Variants in GPR89B observed in about 807,000 individuals in gnomAD.
GPR89B encodes golgi pH regulator B.
GPR89B carries 25 observed loss-of-function variants against 52.4 expected under a neutral mutation model. The observed-to-expected ratio is 0.48, with a 90% CI of 0.35 to 0.67. GPR89B has a LOEUF of 0.67. Among genes scored for constraint, GPR89B ranks in the 30% least tolerant of loss-of-function variants. The pLI is 0.01. For synonymous variants in GPR89B, 52 were observed against 151.2 expected (o/e 0.34, Z 4.81); for missense variants, 146 against 450.2 (o/e 0.32, Z 6.11).
intron 9 of GPR89B, chr1:147,969,545 C>G (rs1657270169): frequency 3.9e-6 from 1 of 256,226 alleles, no homozygotes. Flanking sequence ...AGCCTACTCA[C>G]CAGCTGTGTG....
At chr1:148,002,393 C>G in the GPR89B span, among the ~76,000 whole-genome samples, 1 of 152,150 alleles carries the variant, frequency 6.6e-6, no homozygotes, top group Non-Finnish European at 1.5e-5. Context: ...AGCACCTTAC[C>G]TACTGCTTTC....
chr1:148,004,445 G>A, the GPR89B span, among the ~76,000 whole-genome samples: 736 of 146,964 alleles, frequency 5.0e-3, 8 homozygotes, highest in African/African-American at 0.017. Flanking sequence ...GATTACAGGC[G>A]TGAGCCACCG....
intron 5 of GPR89B, among the ~76,000 whole-genome samples, chr1:147,945,108 C>T (rs1443650472): frequency 7.6e-6 from 1 of 131,570 alleles, no homozygotes; most frequent in Non-Finnish European, 1.6e-5. Context: ...CAATACTAAA[C>T]TAGAAAACCT....
chr1:148,000,536 T>C, the GPR89B span, among the ~76,000 whole-genome samples: 1 of 151,896 alleles, frequency 6.6e-6, no homozygotes, highest in East Asian at 1.9e-4. Flanking sequence ...TGCGTGACTT[T>C]AGCAAAGTGC....
chr1:147,932,308 C>T lies in GPR89B; in HGVS notation c.42+3730C>T, dbSNP rs141773316. On this transcript the variant is annotated intron_variant, in intron 1 of 13. Coordinates refer to ENST00000314163, the MANE Select transcript of GPR89B (RefSeq NM_016334.5). ...TTCTGCTTGATCTAGATGCTTGGAT[C>T]CAACTTACTTTCTTAAACCCTCTTG... is the stretch of plus-strand genomic sequence containing the variant. 3.2e-3 allele frequency among the ~76,000 whole-genome samples: 493 copies of T among 152,064 alleles called. 2 individuals carry two copies. Among genetic ancestry groups the T allele is most frequent in the African/African-American group, 0.011 (463 of 41,426 alleles).
intron 12 of GPR89B, among the ~76,000 whole-genome samples, chr1:147,989,786 A>G (rs2149095711): frequency 6.6e-6 from 1 of 152,294 alleles, no homozygotes; most frequent in South Asian, 2.1e-4. Context: ...GCTGGATAGT[A>G]TTCCATGGTG....
At chr1:148,013,392 A>G in the GPR89B span, among the ~76,000 whole-genome samples, 1 of 152,106 alleles carries the variant, frequency 6.6e-6, no homozygotes, top group Non-Finnish European at 1.5e-5. Flanking sequence ...AGACGCTGCA[A>G]AGCGCATCGT....
chr1:148,017,352 C>A, the GPR89B span, among the ~76,000 whole-genome samples: 2 of 151,562 alleles, frequency 1.3e-5, no homozygotes, highest in African/African-American at 4.9e-5. Flanking sequence ...TATACACAAA[C>A]TTTTGTATTA....
At chr1:148,015,265 G>T in the GPR89B span, among the ~76,000 whole-genome samples, 1 of 139,456 alleles carries the variant, frequency 7.2e-6, no homozygotes, top group Non-Finnish European at 1.5e-5. Context: ...ACATGAGGAC[G>T]TAAATCAAGG....
chr1:147,977,006 G>A (rs1357238444), intron 10 of GPR89B, among the ~76,000 whole-genome samples: 3 of 151,508 alleles, frequency 2.0e-5, no homozygotes, highest in Non-Finnish European at 4.4e-5. Flanking sequence ...AGGCCGAGGC[G>A]GGCAGATCAC....
At chr1:147,983,769 C>T (rs1174839038) in intron 10 of GPR89B, among the ~76,000 whole-genome samples, 2 of 151,808 alleles carry the variant, frequency 1.3e-5, no homozygotes, top group Non-Finnish European at 2.9e-5. Flanking sequence ...GTCAGTGTGG[C>T]GATTCTTCAG....
At chr1:147,970,535 A>ATC (rs1189918798) in intron 10 of GPR89B, among the ~76,000 whole-genome samples, 2 of 87,502 alleles carry the variant, frequency 2.3e-5, no homozygotes, top group African/African-American at 4.7e-5. Flanking sequence ...CTCTCTCTCT[A>ATC]TCTCTATCTC....
chr1:147,989,925 C>T (rs1231856096), intron 12 of GPR89B, among the ~76,000 whole-genome samples: 7 of 152,122 alleles, frequency 4.6e-5, no homozygotes, highest in Admixed American at 1.3e-4. Flanking sequence ...AATAAACATA[C>T]GTGTGCATGT....
the GPR89B span, among the ~76,000 whole-genome samples, chr1:148,021,247 A>C: frequency 6.6e-6 from 1 of 151,326 alleles, no homozygotes; most frequent in Non-Finnish European, 1.5e-5. Flanking sequence ...TCACGCCTGT[A>C]ATCCCAGCAC....
chr1:147,989,827 A>G (rs1474281815), intron 12 of GPR89B, among the ~76,000 whole-genome samples: 8 of 152,152 alleles, frequency 5.3e-5, no homozygotes, highest in Admixed American at 1.3e-4. Flanking sequence ...AATCCAGTCT[A>G]TCATTGATGG....
chr1:147,968,761 G>A (rs1444551562), intron 8 of GPR89B, 114 bp from the exon 9 acceptor site: 18 of 1,545,428 alleles, frequency 1.2e-5, no homozygotes, highest in Non-Finnish European at 1.5e-5. Flanking sequence ...AGGAAATTGA[G>A]AATATAGGCA....
intron 1 of GPR89B, among the ~76,000 whole-genome samples, chr1:147,931,080 C>T (rs1430000773): frequency 6.6e-6 from 1 of 151,938 alleles, no homozygotes; most frequent in Admixed American, 6.6e-5. Flanking sequence ...AGATTATAAA[C>T]TCCTTGAGAG....
chr1:148,010,967 A>G, the GPR89B span: 70 of 152,532 alleles, frequency 4.6e-4, no homozygotes, highest in Non-Finnish European at 7.8e-4. Context: ...TGTCTACTCA[A>G]GAGTCCTATA....
At position 147,993,293 on chromosome 1, in the gene GPR89B, G is replaced by C. The variant is rs2149098858; in HGVS notation, c.*376G>C. On this transcript the variant is annotated 3_prime_UTR_variant, in exon 14 of 14. Coordinates refer to ENST00000314163, the MANE Select transcript of GPR89B (RefSeq NM_016334.5). ...CCGTTTTAAGGTTCACATGGAAAAG[G>C]TTATAGCTTTGCCTTGAGATTGACT... 2.7e-6 allele frequency: 1 copy of C among 373,340 alleles called. No homozygotes were observed. The highest frequency in any genetic ancestry group is 2.1e-5 in the African/African-American group (1 of 48,452). The allele number at this position is 373,340 out of a possible 1,614,324, so 23.1% of individuals were successfully genotyped here.
Sources: allele counts gnomAD v4.1 joint callset (sites outside exome capture counted in the v4.1 genomes callset), GRCh38; gene constraint gnomAD v4.1.1; transcripts MANE v1.5; gene names NCBI Gene and HGNC (gene_info 2026-07-23, HGNC 2026-07-21).